CD83: variants seen among roughly 807,000 people sequenced by gnomAD.
The protein encoded by CD83 is CD83 molecule.
In CD83, 22 loss-of-function variants were observed where a neutral mutation model predicts 24.6. That is an observed-to-expected ratio of 0.90 (90% CI 0.64 to 1.28). CD83 has a LOEUF of 1.28. Ranked by LOEUF, CD83 falls within the 50% of genes most tolerant of loss-of-function variation. The pLI, the probability that CD83 is intolerant of heterozygous loss-of-function variation, is 0.00. For synonymous variants in CD83, 101 were observed against 103.5 expected, an observed-to-expected ratio of 0.98 and a Z score of 0.14; for missense variants, 253 against 252.8, an observed-to-expected ratio of 1.00 and a Z score of -0.01.
rs115956106 is a variant in CD83, at chr6:14,128,720, T to C, written c.154-2800T>C. 5.8e-3 allele frequency among the ~76,000 whole-genome samples: 885 copies of C among 152,300 alleles called. 12 individuals are homozygous for C. Among genetic ancestry groups the C allele is most frequent in the African/African-American group, 0.021 (855 of 41,570 alleles). Reference sequence around the variant, plus strand: ...GCAGGTCGCTTTGAGGTTCTTTGTTTTGCCTTCTCCCTTGATTCTTCCTTC... The same window carrying C: ...GCAGGTCGCTTTGAGGTTCTTTGTTCTGCCTTCTCCCTTGATTCTTCCTTC... On this transcript the variant is annotated intron_variant, in intron 2 of 4. Coordinates refer to ENST00000379153, the MANE Select transcript of CD83 (RefSeq NM_004233.4).
intron 3 of CD83, among the ~76,000 whole-genome samples, chr6:14,133,412 C>G (rs1757972442): frequency 6.6e-6 from 1 of 152,208 alleles, no homozygotes; most frequent in African/African-American, 2.4e-5. Flanking sequence ...ACTACTCAGG[C>G]CTGTTCTGAA....
chr6:14,121,915 C>T (rs1430914357), intron 2 of CD83, among the ~76,000 whole-genome samples: 1 of 152,132 alleles, frequency 6.6e-6, no homozygotes, highest in Non-Finnish European at 1.5e-5. Flanking sequence ...TTGATAATCA[C>T]TAAAGATAGT....
chr6:14,123,013 C>A (rs539985629), intron 2 of CD83, among the ~76,000 whole-genome samples: 5 of 152,206 alleles, frequency 3.3e-5, no homozygotes, highest in Admixed American at 6.5e-5. Context: ...TGTGAGGGGC[C>A]TTGAATGCCC....
At position 14,118,079 on chromosome 6, in the gene CD83, TACCC is replaced by T; in HGVS notation, c.153+17_153+20del. 6.3e-7 allele frequency: 1 copy of T among 1,575,592 alleles called. No individual in the cohort carries two copies. The highest frequency in any genetic ancestry group is 8.7e-7 in the Non-Finnish European group (1 of 1,155,136). ...TCCTGGGTCAAGGTAGGTGCTGCGA[TACCC>T]ACGGGCTGGGGTTTGGTGGGCTCAT... On this transcript the variant is annotated intron_variant, in intron 2 of 4. Transcript: ENST00000379153.
upstream of CD83, chr6:14,117,732 G>T (rs1581323306): frequency 2.8e-6 from 3 of 1,076,654 alleles, no homozygotes; most frequent in East Asian, 6.5e-5. This position sits in a 1 kb window ranked among gnomAD's most constrained non-coding sequence, Gnocchi z 4.6. Flanking sequence ...GGAAGTTCCC[G>T]AACGCGCGGG....
chr6:14,123,633 C>G (rs895816501), intron 2 of CD83, among the ~76,000 whole-genome samples: 4 of 150,028 alleles, frequency 2.7e-5, no homozygotes, highest in African/African-American at 9.8e-5. Flanking sequence ...GAAGTCTCAT[C>G]TAGATGAGAA....
intron 3 of CD83, among the ~76,000 whole-genome samples, 164 bp from the exon 4 acceptor site, chr6:14,133,485 G>A (rs369097636): frequency 3.3e-4 from 51 of 152,326 alleles, no homozygotes; most frequent in East Asian, 3.3e-3. Context: ...GTGCGCGCCG[G>A]CTGCTGCTGT....
At chr6:14,121,956 T>G (rs1196886414) in intron 2 of CD83, among the ~76,000 whole-genome samples, 1 of 152,172 alleles carries the variant, frequency 6.6e-6, no homozygotes, top group African/African-American at 2.4e-5. Flanking sequence ...AGAGTTGCAA[T>G]GCCTTCTTGT....
At chr6:14,122,704 T>G (rs928689161) in intron 2 of CD83, among the ~76,000 whole-genome samples, 1 of 152,374 alleles carries the variant, frequency 6.6e-6, no homozygotes, top group African/African-American at 2.4e-5. Context: ...ATCACTTTTA[T>G]GGGCTCCTCC....
rs1404102397 is a variant in CD83, at chr6:14,131,501, T to C, written c.154-19T>C. The C allele has an allele frequency of 1.5e-5, 24 of 1,589,490 alleles. No individual in the cohort carries two copies. The highest frequency in any genetic ancestry group is 2.1e-5 in the Non-Finnish European group (24 of 1,157,824). ...GTGCTTGCAGTGGACCGTGATGCGC[T>C]CTGATTCCTTCTTCACAGTTATTGG... On this transcript the variant is annotated intron_variant, in intron 2 of 4. Coordinates refer to ENST00000379153, the MANE Select transcript of CD83 (RefSeq NM_004233.4).
At chr6:14,121,720 C>T (rs1759676293) in intron 2 of CD83, among the ~76,000 whole-genome samples, 1 of 150,718 alleles carries the variant, frequency 6.6e-6, no homozygotes, top group Admixed American at 6.6e-5. Context: ...TTTTCTTCCA[C>T]TGGCCATGAC....
chr6:14,131,487 G>A (rs1757897954), intron 2 of CD83, 33 bp from the exon 3 acceptor site: 1 of 1,510,926 alleles, frequency 6.6e-7, no homozygotes, highest in Non-Finnish European at 9.2e-7. Flanking sequence ...TGCTTGCAGT[G>A]GACCGTGATG....
At chr6:14,117,609 CGGGG>C, upstream of CD83, 8 of 130,750 alleles carry the variant, frequency 6.1e-5, no homozygotes, top group Admixed American at 4.7e-4. This position sits in a 1 kb window ranked among gnomAD's most constrained non-coding sequence, Gnocchi z 4.6. Context: ...GGGACGGGGG[CGGGG>C]ACGGGGGCGA....
upstream of CD83, chr6:14,117,658 GGACTA>G: frequency 2.0e-6 from 1 of 490,416 alleles, no homozygotes; most frequent in South Asian, 3.3e-5. The surrounding 1 kb of genome is among the most constrained non-coding windows in gnomAD (Gnocchi z 4.6). Flanking sequence ...GGCCTAAGCG[GGACTA>G]GGAGGGCGCG....
At chr6:14,124,625 T>G (rs968361589) in intron 2 of CD83, among the ~76,000 whole-genome samples, 4 of 152,126 alleles carry the variant, frequency 2.6e-5, no homozygotes, top group Non-Finnish European at 5.9e-5. Flanking sequence ...CTTATTTACA[T>G]GGTGGTGCGG....
At chr6:14,121,545 G>A (rs112138126) in intron 2 of CD83, among the ~76,000 whole-genome samples, 10 of 145,238 alleles carry the variant, frequency 6.9e-5, no homozygotes, top group Admixed American at 2.1e-4. Flanking sequence ...TTTGGGAGGC[G>A]AAGATGGGAG....
chr6:14,135,304 G>A lies in CD83; in HGVS notation c.*68G>A, dbSNP rs1758023118. On this transcript the variant is annotated 3_prime_UTR_variant, in exon 5 of 5. Transcript: ENST00000379153. Reference sequence around the variant, plus strand: ...GGGTGTGCCTGTCTGTTACACTGGAGGAGAGAAGAATGAGCCTACGCTGAA... The same window carrying A: ...GGGTGTGCCTGTCTGTTACACTGGAAGAGAGAAGAATGAGCCTACGCTGAA... 36 of 1,540,016 alleles carry A rather than the reference G, an allele frequency of 2.3e-5. No homozygotes were observed. The highest frequency in any genetic ancestry group is 1.7e-4 in the Middle Eastern group (1 of 5,832).
chr6:14,122,897 CACTAAG>C (rs1246389702), intron 2 of CD83, among the ~76,000 whole-genome samples: 1 of 152,192 alleles, frequency 6.6e-6, no homozygotes, highest in Non-Finnish European at 1.5e-5. Context: ...CCTGGGAATC[CACTAAG>C]ACTTTTTGGG....
In CD83 at chr6:14,135,508, T is replaced by G. The variant is rs1758030379; in HGVS notation, c.*272T>G. On this transcript the variant is annotated 3_prime_UTR_variant, in exon 5 of 5. Coordinates refer to ENST00000379153, the MANE Select transcript of CD83 (RefSeq NM_004233.4). ...GCTATCTGGTCAACCTCCTGGACAT[T>G]TTTTCAGTCATATAAAAGCTATGGT... 1.1e-5 allele frequency: 4 copies of G among 369,802 alleles called. No individual in the cohort carries two copies. In the East Asian group the frequency reaches 1.7e-4, roughly 16 times the overall value. The allele number at this position is 369,802 out of a possible 1,614,324, so 22.9% of individuals were successfully genotyped here.
Sources: allele counts gnomAD v4.1 joint callset (sites outside exome capture counted in the v4.1 genomes callset), GRCh38; gene constraint gnomAD v4.1.1; non-coding constraint Gnocchi (gnomAD v3.1); transcripts MANE v1.5; gene names NCBI Gene and HGNC (gene_info 2026-07-23, HGNC 2026-07-21).